WWC1: variants seen among roughly 807,000 people sequenced by gnomAD.
The protein encoded by WWC1 is protein KIBRA.
A neutral mutation model predicts 138.4 loss-of-function variants in WWC1; 55 were observed. The observed-to-expected ratio is 0.40, with a 90% CI of 0.32 to 0.50. The LOEUF is 0.50. WWC1 is among the 20% of genes least tolerant of loss of function. WWC1 has a pLI of 0.72. For synonymous variants in WWC1, 524 were observed against 564.9 expected, an observed-to-expected ratio of 0.93 and a Z score of 1.03; for missense variants, 1,226 against 1,420.4, an observed-to-expected ratio of 0.86 and a Z score of 2.20.
intron 16 of WWC1, 64 bp downstream of exon 16, chr5:168,441,898 C>A: frequency 1.9e-6 from 3 of 1,562,354 alleles, no homozygotes; most frequent in South Asian, 1.2e-5. Flanking sequence ...AAGGGAAAGC[C>A]TCTCCCAGAA....
At chr5:168,359,017 T>G (rs534827479) in intron 1 of WWC1, among the ~76,000 whole-genome samples, 46 of 135,510 alleles carry the variant, frequency 3.4e-4, no homozygotes, top group South Asian at 7.8e-4. Context: ...GTTTTTGTTG[T>G]TGTTGGTGGT....
chr5:168,435,707 C>T (rs898373204), intron 15 of WWC1, among the ~76,000 whole-genome samples: 1 of 152,066 alleles, frequency 6.6e-6, no homozygotes, highest in Non-Finnish European at 1.5e-5. Context: ...CCACCACACC[C>T]GACCTAAAAC....
At chr5:168,452,098 G>A (rs543704689) in intron 17 of WWC1, among the ~76,000 whole-genome samples, 16 of 152,074 alleles carry the variant, frequency 1.1e-4, no homozygotes, top group Non-Finnish European at 1.9e-4. Flanking sequence ...TAGAGACAAG[G>A]TTTTACCACA....
chr5:168,468,508 A>G (rs1179035460), intron 22 of WWC1, among the ~76,000 whole-genome samples: 2 of 152,156 alleles, frequency 1.3e-5, no homozygotes, highest in African/African-American at 4.8e-5. Context: ...AAAAAAAAAA[A>G]AATTCCTTTG....
rs1405836725 is a variant in WWC1 at position 168,385,304 on chromosome 5, G to A, written c.323G>A (p.Ser108Asn). Reference sequence around the variant, plus strand: ...CTGGTGGTGGCCCAGGAGGCTCTGAGTGCACAAAAGGAGATCTACCAGGTG... The same window carrying A: ...CTGGTGGTGGCCCAGGAGGCTCTGAATGCACAAAAGGAGATCTACCAGGTG... ...DYLVVAQEAL[S>N]AQKEIYQVKQ... The change falls in exon 3 of 23, where the codon AGT (serine) becomes AAT (asparagine). Residue 108 changes from serine to asparagine, a missense_variant. Ser to Asn is a conservative substitution (Grantham distance 46, BLOSUM62 1). Coordinates refer to ENST00000265293, the MANE Select transcript of WWC1 (RefSeq NM_015238.3). 3 of 1,613,962 alleles carry A rather than the reference G, an allele frequency of 1.9e-6. No individual in the cohort carries two copies. The highest frequency in any genetic ancestry group is 1.1e-5 in the South Asian group (1 of 91,082).
intron 15 of WWC1, among the ~76,000 whole-genome samples, chr5:168,432,569 AATG>A (rs949733738): frequency 3.3e-5 from 5 of 152,216 alleles, no homozygotes; most frequent in Admixed American, 6.5e-5. Context: ...AGAATATTTT[AATG>A]ATAACTCAAC....
intron 1 of WWC1, among the ~76,000 whole-genome samples, chr5:168,321,208 A>G (rs1772051836): frequency 6.6e-6 from 1 of 152,204 alleles, no homozygotes; most frequent in Non-Finnish European, 1.5e-5. Flanking sequence ...GAGCATCAGA[A>G]GGACCCTAAG....
At chr5:168,459,241 T>G (rs1582379875) in intron 19 of WWC1, among the ~76,000 whole-genome samples, 1 of 112,048 alleles carries the variant, frequency 8.9e-6, no homozygotes, top group East Asian at 2.4e-4. Flanking sequence ...GCGAAAGGAG[T>G]GAAACCCTGT....
At chr5:168,390,045 A>G (rs1425347409) in intron 3 of WWC1, among the ~76,000 whole-genome samples, 3 of 152,202 alleles carry the variant, frequency 2.0e-5, no homozygotes, top group East Asian at 1.9e-4. Context: ...TTTTGAGACT[A>G]TAGACCCTGG....
rs1247794253 is a variant in WWC1, at chr5:168,431,420, C to T, written c.2256C>T (p.Asp752=). ...TAAGAGTCGATGTCTGTACCACCGA[C>T]AGGAGCCATCTGGAAGAGTGCCTGG... ...KTLRVDVCTT[D]RSHLEECLGG... The change falls in exon 15 of 23, where the codon GAC becomes GAT. Residue 752 remains aspartate (D), a synonymous_variant. Transcript: ENST00000265293. 10 of 1,612,302 alleles carry T rather than the reference C, an allele frequency of 6.2e-6. No homozygotes were observed. The South Asian group carries it at 8.8e-5, about 14-fold the overall frequency.
At chr5:168,417,460 C>T (rs1780748497) in intron 9 of WWC1, among the ~76,000 whole-genome samples, 1 of 152,134 alleles carries the variant, frequency 6.6e-6, no homozygotes, top group African/African-American at 2.4e-5. Flanking sequence ...TCATTTAAAC[C>T]TCCCAGGATC....
At chr5:168,415,744 C>G (rs1160288393) in intron 9 of WWC1, 1 of 130,304 alleles carries the variant, frequency 7.7e-6, no homozygotes, top group East Asian at 2.4e-4. Context: ...TCAGCAAGGT[C>G]CCTGCCCGTA....
At position 168,422,111 on chromosome 5, in the gene WWC1, G is replaced by A. The variant is rs201336603; in HGVS notation, c.1274+14G>A. 1.4e-5 allele frequency: 22 copies of A among 1,611,014 alleles called. No individual in the cohort carries two copies. The highest frequency in any genetic ancestry group is 1.5e-5 in the Non-Finnish European group (18 of 1,178,234). On this transcript the variant is annotated intron_variant, in intron 10 of 22. Transcript: ENST00000265293. Reference sequence around the variant, plus strand: ...CCAGCTGAAAAGGTGAGTGGTGGGCGGTGAGGCCACTGCTCCCCTGGGCAT... The same window carrying A: ...CCAGCTGAAAAGGTGAGTGGTGGGCAGTGAGGCCACTGCTCCCCTGGGCAT...
At position 168,423,735 on chromosome 5, in the gene WWC1, C is replaced by T. The variant is rs147044558; in HGVS notation, c.1477C>T (p.Arg493Trp). Residue 493 changes from arginine (R) to tryptophan (W), a missense_variant, in exon 11 of 23, where the codon CGG becomes TGG. Arg to Trp is a moderately radical substitution (Grantham distance 101). Coordinates refer to ENST00000265293, the MANE Select transcript of WWC1 (RefSeq NM_015238.3). ...FLLLEGATGFRPSGCITTIHE... is the reference protein window; with the variant it reads ...FLLLEGATGFWPSGCITTIHE... ...GCTCCTGGAGGGGGCCACCGGCTTC[C>T]GGCCCTCAGGCTGCATCACCACCAT... is the stretch of plus-strand genomic sequence containing the variant. The T allele has an allele frequency of 2.2e-5, 35 of 1,613,854 alleles. No homozygotes were observed. The highest frequency in any genetic ancestry group is 6.7e-5 in the East Asian group (3 of 44,886).
intron 21 of WWC1, among the ~76,000 whole-genome samples, chr5:168,466,791 A>G (rs1019998938): frequency 2.0e-5 from 3 of 152,198 alleles, no homozygotes; most frequent in Non-Finnish European, 4.4e-5. Context: ...TAACCAAGGC[A>G]AAAAGAGATC....
At chr5:168,361,592 G>A (rs1222635764) in intron 1 of WWC1, among the ~76,000 whole-genome samples, 1 of 152,200 alleles carries the variant, frequency 6.6e-6, no homozygotes, top group African/African-American at 2.4e-5. Flanking sequence ...CCAGCACCAA[G>A]CTGATTTGAT....
chr5:168,420,535 A>G (rs1490888943), intron 9 of WWC1, among the ~76,000 whole-genome samples: 7 of 152,038 alleles, frequency 4.6e-5, no homozygotes, highest in Non-Finnish European at 2.9e-5. Flanking sequence ...ACAGATGGTA[A>G]TCTCATTCAG....
At chr5:168,341,827 C>T (rs2152778615) in intron 1 of WWC1, among the ~76,000 whole-genome samples, 1 of 152,310 alleles carries the variant, frequency 6.6e-6, no homozygotes, top group East Asian at 1.9e-4. Flanking sequence ...TGGTGATTCA[C>T]CCACAGATAA....
intron 15 of WWC1, among the ~76,000 whole-genome samples, chr5:168,432,453 C>T (rs988411887): frequency 2.0e-5 from 3 of 152,182 alleles, no homozygotes; most frequent in Non-Finnish European, 2.9e-5. Context: ...ACTCAGCTTT[C>T]CCATCTGTAG....
Sources: allele counts gnomAD v4.1 joint callset (sites outside exome capture counted in the v4.1 genomes callset), GRCh38; gene constraint gnomAD v4.1.1; transcripts MANE v1.5; gene names NCBI Gene and HGNC (gene_info 2026-07-23, HGNC 2026-07-21).